Variants in HPF1 observed in about 807,000 individuals in gnomAD.
HPF1 encodes the protein histone PARylation factor 1.
HPF1 carries 35 observed loss-of-function variants against 38.8 expected under a neutral mutation model. The observed-to-expected ratio is 0.90, with a 90% CI of 0.69 to 1.19. HPF1 has a LOEUF of 1.19. HPF1 is among the 50% of genes most tolerant of loss of function. HPF1 has a pLI of 0.00. For synonymous variants in HPF1, 115 were observed against 139.2 expected (o/e 0.83, Z 1.22); for missense variants, 367 against 405.8 (o/e 0.90, Z 0.82).
chr4:169,738,861 C>A (rs1212853985), intron 5 of HPF1, among the ~76,000 whole-genome samples: 1 of 152,056 alleles, frequency 6.6e-6, no homozygotes, highest in Non-Finnish European at 1.5e-5. Context: ...AAGCTGGAAC[C>A]CATCATTCTC....
At chr4:169,730,271 C>T (rs1161798920) in intron 7 of HPF1, among the ~76,000 whole-genome samples, 2 of 152,310 alleles carry the variant, frequency 1.3e-5, no homozygotes, top group East Asian at 1.9e-4. Flanking sequence ...CCTTAACATG[C>T]GGTAAGCACT....
At chr4:169,745,483 C>A (rs1324822762) in intron 4 of HPF1, among the ~76,000 whole-genome samples, 5 of 152,264 alleles carry the variant, frequency 3.3e-5, no homozygotes, top group African/African-American at 1.2e-4. Flanking sequence ...GGCACACAGT[C>A]AATGAGTCAC....
chr4:169,750,689 C>A lies in HPF1; in HGVS notation c.245G>T (p.Gly82Val), dbSNP rs188833461. 1.4e-5 allele frequency: 22 copies of A among 1,612,570 alleles called. No individual in the cohort carries two copies. Among genetic ancestry groups the A allele is most frequent in the Non-Finnish European group, 1.8e-5 (21 of 1,179,544 alleles). ...TTTTCCAGCAAGGATATCATAAGGACCAACTAATTGAAGTCCAAGGCTTGC... is the reference window on the plus strand; with the variant it reads ...TTTTCCAGCAAGGATATCATAAGGAACAACTAATTGAAGTCCAAGGCTTGC... ...LSASLGLQLV[G>V]PYDILAGKHK... The change falls in exon 3 of 8, where the codon GGT (glycine) becomes GTT (valine). Residue 82 changes from glycine to valine, a missense_variant. By Grantham distance (109) the Gly-to-Val change is moderately radical (BLOSUM62 -3). Coordinates refer to ENST00000393381, the MANE Select transcript of HPF1 (RefSeq NM_017867.3).
chr4:169,747,966 G>C (rs1734069851), intron 4 of HPF1, among the ~76,000 whole-genome samples: 1 of 152,174 alleles, frequency 6.6e-6, no homozygotes, highest in African/African-American at 2.4e-5. Flanking sequence ...TGTGGTCCTA[G>C]AGCCACTCAC....
chr4:169,737,309 A>G (rs980805404), intron 6 of HPF1, among the ~76,000 whole-genome samples: 1 of 119,078 alleles, frequency 8.4e-6, no homozygotes, highest in African/African-American at 4.7e-5. Flanking sequence ...AAAAAAAAAC[A>G]AACAAAAAAA....
intron 6 of HPF1, among the ~76,000 whole-genome samples, chr4:169,735,320 G>T (rs772466198): frequency 3.3e-5 from 5 of 152,056 alleles, no homozygotes; most frequent in Non-Finnish European, 7.4e-5. Context: ...TCAATAAAAC[G>T]TATCTTATTT....
intron 1 of HPF1, 140 bp downstream of exon 1, chr4:169,757,690 C>A: frequency 1.2e-6 from 1 of 841,968 alleles, no homozygotes; most frequent in South Asian, 1.5e-5. Flanking sequence ...CGGCCCTGGG[C>A]AGGATCCCCG....
At position 169,751,503 on chromosome 4, in the gene HPF1, C is replaced by A. The variant is rs1478157543; in HGVS notation, c.209-778G>T. ...CCTGACTCTTTGACAATCTATTTGG[C>A]CAACCCTAACCCTGGATGACTCCAT... On this transcript the variant is annotated intron_variant, in intron 2 of 7. Transcript: ENST00000393381. Among the ~76,000 whole-genome samples the A allele has an allele frequency of 2.0e-5, 3 of 152,106 alleles. No individual in the cohort carries two copies. The East Asian group carries it at 5.8e-4, about 29-fold the overall frequency.
intron 6 of HPF1, among the ~76,000 whole-genome samples, chr4:169,733,293 T>C (rs1350920177): frequency 6.6e-6 from 1 of 152,258 alleles, no homozygotes; most frequent in African/African-American, 2.4e-5. Context: ...TCATTCTTTC[T>C]GGATGTTAAT....
chr4:169,732,249 TC>T (rs1276060400), intron 6 of HPF1, among the ~76,000 whole-genome samples: 1 of 150,366 alleles, frequency 6.7e-6, no homozygotes, highest in Non-Finnish European at 1.5e-5. Flanking sequence ...CAAGCAATTC[TC>T]CTGCCCCAGC....
chr4:169,746,214 A>G (rs1485859740), intron 4 of HPF1, among the ~76,000 whole-genome samples: 1 of 152,142 alleles, frequency 6.6e-6, no homozygotes, highest in Non-Finnish European at 1.5e-5. Context: ...AATCTTCCCT[A>G]TTGCTGGATA....
rs374690209 is a variant in HPF1, at chr4:169,731,557, T to A, written c.909+147A>T. 1.6e-4 allele frequency: 89 copies of A among 551,800 alleles called. 1 individual carries two copies. In the East Asian group the frequency reaches 2.5e-3, roughly 16 times the overall value. The allele number at this position is 551,800 out of a possible 1,614,324, so 34.2% of individuals were successfully genotyped here. ...CGTTAAAAAAAATCACTTCAAAAAC[T>A]TCATTTTGAAATACAAGCTGAATCC... On this transcript the variant is annotated intron_variant, in intron 7 of 7. Coordinates refer to ENST00000393381, the MANE Select transcript of HPF1 (RefSeq NM_017867.3).
rs149958685 is a variant in HPF1 at position 169,734,550 on chromosome 4, T to G, written c.737-2674A>C. ...CTCACCATCAGTACAAGGAAAAATATGTTCTTCCAGCAATAAAACATTCTA... is the reference window on the plus strand; with the variant it reads ...CTCACCATCAGTACAAGGAAAAATAGGTTCTTCCAGCAATAAAACATTCTA... On this transcript the variant is annotated intron_variant, in intron 6 of 7. Transcript: ENST00000393381. 7.9e-5 allele frequency among the ~76,000 whole-genome samples: 12 copies of G among 152,324 alleles called. No homozygotes were observed. In the East Asian group the frequency reaches 2.3e-3, roughly 29 times the overall value.
At chr4:169,746,012 A>G (rs1487730356) in intron 4 of HPF1, among the ~76,000 whole-genome samples, 2 of 152,178 alleles carry the variant, frequency 1.3e-5, no homozygotes, top group Non-Finnish European at 2.9e-5. Context: ...TTTTAGGAAA[A>G]TAAATAAGGC....
chr4:169,741,411 A>C (rs1329997543), intron 5 of HPF1, among the ~76,000 whole-genome samples: 1 of 152,180 alleles, frequency 6.6e-6, no homozygotes, highest in African/African-American at 2.4e-5. Context: ...TCCAAACCAG[A>C]AATCTTCCAG....
intron 4 of HPF1, among the ~76,000 whole-genome samples, chr4:169,747,390 G>A (rs1052819669): frequency 6.6e-6 from 1 of 152,092 alleles, no homozygotes; most frequent in Non-Finnish European, 1.5e-5. Flanking sequence ...AGATACACCA[G>A]TATGTACGTA....
intron 2 of HPF1, among the ~76,000 whole-genome samples, chr4:169,751,367 C>T: frequency 6.8e-6 from 1 of 147,932 alleles, no homozygotes; most frequent in African/African-American, 2.5e-5. Context: ...TGCGCCATTG[C>T]ACTCCAGCCT....
intron 6 of HPF1, among the ~76,000 whole-genome samples, chr4:169,736,248 C>T (rs1733891254): frequency 6.7e-6 from 1 of 150,070 alleles, no homozygotes. Context: ...CAAAACCCAC[C>T]AATTAGCCAG....
chr4:169,752,168 CTT>C (rs35247508), intron 2 of HPF1, among the ~76,000 whole-genome samples: 2 of 107,190 alleles, frequency 1.9e-5, no homozygotes. Context: ...ACAGGCATGA[CTT>C]TTTTTTTTTT....
Sources: gnomAD v4.1 joint callset for allele counts (sites outside exome capture counted in the v4.1 genomes callset) on GRCh38, gnomAD v4.1.1 for gene constraint, MANE v1.5 for transcripts, NCBI Gene and HGNC (gene_info 2026-07-23, HGNC 2026-07-21) for gene names.